The following MRPS31 variants were observed in gnomAD, a reference collection of about 807,000 sequenced individuals.
MRPS31 encodes small ribosomal subunit protein mS31.
A neutral mutation model predicts 43.1 loss-of-function variants in MRPS31; 32 were observed. That is an observed-to-expected ratio of 0.74 (90% CI 0.56 to 1.00). The LOEUF (loss-of-function observed/expected upper bound fraction) is 1.00, where lower values mean the gene tolerates loss of function less well. MRPS31 is among the 50% of genes least tolerant of loss of function. The pLI is 0.00. For missense variants in MRPS31, 437 were observed against 466.7 expected (o/e 0.94, Z 0.59); for synonymous variants, 165 against 161.6 (o/e 1.02, Z -0.16).
At chr13:40,743,753 G>A (rs1046244489) in intron 6 of MRPS31, among the ~76,000 whole-genome samples, 11 of 152,212 alleles carry the variant, frequency 7.2e-5, no homozygotes, top group Admixed American at 2.0e-4. Flanking sequence ...CTGTTGGTGG[G>A]AATGTAAATT....
At chr13:40,759,524 A>G (rs1262607963) in intron 2 of MRPS31, among the ~76,000 whole-genome samples, 1 of 152,224 alleles carries the variant, frequency 6.6e-6, no homozygotes, top group Non-Finnish European at 1.5e-5. Flanking sequence ...GAAAAGTGAA[A>G]TGATTTTTGG....
At chr13:40,730,776 G>GT in intron 6 of MRPS31, among the ~76,000 whole-genome samples, 1 of 151,424 alleles carries the variant, frequency 6.6e-6, no homozygotes, top group East Asian at 2.0e-4. Flanking sequence ...GGTCAGGCTG[G>GT]CTTGAACTCC....
chr13:40,743,758 TA>T (rs1290309636), intron 6 of MRPS31, among the ~76,000 whole-genome samples: 4 of 152,222 alleles, frequency 2.6e-5, no homozygotes, highest in African/African-American at 9.6e-5. Flanking sequence ...GGTGGGAATG[TA>T]AATTAGTTTA....
At chr13:40,751,441 T>A (rs1161501903) in intron 5 of MRPS31, among the ~76,000 whole-genome samples, 2 of 152,212 alleles carry the variant, frequency 1.3e-5, no homozygotes, top group Non-Finnish European at 2.9e-5. Context: ...GGGGAAAAGT[T>A]AGTGTGGCAG....
chr13:40,761,078 A>C (rs892849496), intron 2 of MRPS31, among the ~76,000 whole-genome samples: 1 of 151,436 alleles, frequency 6.6e-6, no homozygotes, highest in Admixed American at 6.6e-5. Flanking sequence ...GGAGTTTGAG[A>C]CCAGCCTGGG....
At chr13:40,731,252 CAAAAAAA>C in intron 6 of MRPS31, 5 of 63,424 alleles carry the variant, frequency 7.9e-5, no homozygotes, top group Non-Finnish European at 1.6e-4. Context: ...GACCCTGTCT[CAAAAAAA>C]AAAAAAAAAA....
At chr13:40,730,615 C>T (rs1879657639) in intron 6 of MRPS31, among the ~76,000 whole-genome samples, 2 of 152,110 alleles carry the variant, frequency 1.3e-5, no homozygotes, top group Admixed American at 1.3e-4. Flanking sequence ...GGCTGGAGTG[C>T]AATGGTGCAA....
chr13:40,732,993 G>GTTTT (rs1879746105), intron 6 of MRPS31, among the ~76,000 whole-genome samples: 1 of 128,198 alleles, frequency 7.8e-6, no homozygotes, highest in Non-Finnish European at 1.6e-5. Flanking sequence ...CAATGCATTT[G>GTTTT]GTTTTTTTTT....
At chr13:40,749,048 T>A in intron 6 of MRPS31, 90 bp downstream of exon 6, 3 of 1,320,748 alleles carry the variant, frequency 2.3e-6, no homozygotes, top group Non-Finnish European at 3.1e-6. Flanking sequence ...GGTTTTGAAA[T>A]TCATGTAAGT....
Position 40,771,098 on chromosome 13 carries a change from G to A in MRPS31, c.39C>T (p.Pro13=), listed in dbSNP as rs777461772. The part of the protein sequence containing the change: ...PRVSTFLPLR[P]LSRHPLSSGS... ...CAGAGGACAAAGGGTGGCGGGAAAGGGGGCGAAGAGGTAGGAACGTCGAGA... is the reference window on the plus strand; with the variant it reads ...CAGAGGACAAAGGGTGGCGGGAAAGAGGGCGAAGAGGTAGGAACGTCGAGA... The change falls in exon 1 of 7, where the codon CCC becomes CCT. Residue 13 remains proline, a synonymous_variant. Coordinates refer to ENST00000323563, the MANE Select transcript of MRPS31 (RefSeq NM_005830.4). The A allele has an allele frequency of 9.3e-6, 15 of 1,613,694 alleles. No homozygotes were observed. Among genetic ancestry groups the A allele is most frequent in the Middle Eastern group, 1.6e-4 (1 of 6,080 alleles).
intron 6 of MRPS31, among the ~76,000 whole-genome samples, chr13:40,741,838 C>G (rs190255486): frequency 1.3e-5 from 2 of 151,294 alleles, no homozygotes; most frequent in East Asian, 1.9e-4. Flanking sequence ...AGGTCTATCT[C>G]TATGTACTGA....
chr13:40,749,487 G>C, intron 5 of MRPS31: 2 of 365,468 alleles, frequency 5.5e-6, no homozygotes, highest in Non-Finnish European at 9.6e-6. Context: ...CTTTTGTTTT[G>C]CAACAATGCC....
intron 1 of MRPS31, among the ~76,000 whole-genome samples, chr13:40,768,735 A>G (rs192991314): frequency 5.3e-5 from 8 of 152,328 alleles, no homozygotes; most frequent in African/African-American, 1.7e-4. Flanking sequence ...GTCCCACCAA[A>G]GAATTCTGAT....
At chr13:40,750,660 G>A (rs1880361002) in intron 5 of MRPS31, among the ~76,000 whole-genome samples, 1 of 148,298 alleles carries the variant, frequency 6.7e-6, no homozygotes, top group Non-Finnish European at 1.5e-5. Flanking sequence ...TTTTCTGGGT[G>A]ATATCACTTT....
intron 6 of MRPS31, among the ~76,000 whole-genome samples, chr13:40,733,914 G>T (rs1159774024): frequency 7.3e-6 from 1 of 137,116 alleles, no homozygotes; most frequent in Non-Finnish European, 1.5e-5. Flanking sequence ...AGCCAAGAAT[G>T]TGCCACTGCA....
At chr13:40,733,117 C>T (rs1375688307) in intron 6 of MRPS31, among the ~76,000 whole-genome samples, 1 of 149,372 alleles carries the variant, frequency 6.7e-6, no homozygotes, top group Non-Finnish European at 1.5e-5. Context: ...AATTCTCTTG[C>T]CTCAGCCTCC....
At chr13:40,735,374 A>G (rs1259408961) in intron 6 of MRPS31, among the ~76,000 whole-genome samples, 4 of 152,356 alleles carry the variant, frequency 2.6e-5, no homozygotes, top group African/African-American at 9.6e-5. Flanking sequence ...ACCATTGCCC[A>G]GGCTTGCTTA....
At chr13:40,741,619 A>G (rs930340952) in intron 6 of MRPS31, among the ~76,000 whole-genome samples, 2 of 152,204 alleles carry the variant, frequency 1.3e-5, no homozygotes, top group Admixed American at 6.5e-5. Context: ...GAATTTTTAC[A>G]TAGTTGGTTG....
At chr13:40,762,364 C>T (rs1472259854) in intron 2 of MRPS31, among the ~76,000 whole-genome samples, 1 of 152,160 alleles carries the variant, frequency 6.6e-6, no homozygotes, top group Non-Finnish European at 1.5e-5. Context: ...GGCTTTATCC[C>T]TAATTTGATT....
Sources: gnomAD v4.1 joint callset for allele counts (sites outside exome capture counted in the v4.1 genomes callset) on GRCh38, gnomAD v4.1.1 for gene constraint, MANE v1.5 for transcripts, NCBI Gene and HGNC (gene_info 2026-07-23, HGNC 2026-07-21) for gene names.